Variants in DHX57 observed in about 807,000 individuals in gnomAD.
DHX57 encodes DExH-box helicase 57.
DHX57 carries 105 observed loss-of-function variants against 156.2 expected under a neutral mutation model. That is an observed-to-expected ratio of 0.67 (90% CI 0.57 to 0.79). DHX57 has a LOEUF of 0.79. Among genes scored for constraint, DHX57 ranks in the 30% least tolerant of loss-of-function variants. The pLI is 0.00. For missense variants in DHX57, 1,847 were observed against 1,661.9 expected, an observed-to-expected ratio of 1.11 and a Z score of -1.94; for synonymous variants, 704 against 595.6, an observed-to-expected ratio of 1.18 and a Z score of -2.65.
rs1004638132 is a variant in DHX57, at chr2:38,843,491, T to C, written c.2220-281A>G. Reference sequence around the variant, plus strand: ...AGAAAACACATTTGAGTTATAGCCTTAGTAACACCCCTCTTCATTTTTGAT... The same window carrying C: ...AGAAAACACATTTGAGTTATAGCCTCAGTAACACCCCTCTTCATTTTTGAT... On this transcript the variant is annotated intron_variant, in intron 11 of 23. Coordinates refer to ENST00000457308, the MANE Select transcript of DHX57 (RefSeq NM_198963.3). Among the ~76,000 whole-genome samples, 3 of 152,200 alleles carry C rather than the reference T, an allele frequency of 2.0e-5. No homozygotes were observed. In the East Asian group the frequency reaches 5.8e-4, roughly 29 times the overall value.
At chr2:38,869,242 G>A (rs908860519) in intron 1 of DHX57, among the ~76,000 whole-genome samples, 10 of 152,222 alleles carry the variant, frequency 6.6e-5, no homozygotes, top group African/African-American at 2.4e-4. Context: ...GAAGTAGGCC[G>A]TAAGACAGAT....
At position 38,838,110 on chromosome 2, in the gene DHX57, T is replaced by G. The variant is rs541116071; in HGVS notation, c.2426-163A>C. Among the ~76,000 whole-genome samples, 3 of 152,262 alleles carry G rather than the reference T, an allele frequency of 2.0e-5. No individual in the cohort carries two copies. The East Asian group carries it at 5.8e-4, about 29-fold the overall frequency. ...ACTGAAATGAACTTTTTTCTTTTCT[T>G]TATTTAGAGACAGGGTCTTGCTCTG... On this transcript the variant is annotated intron_variant, in intron 12 of 23. Transcript: ENST00000457308.
chr2:38,858,890 G>A (rs1292387197), intron 5 of DHX57, 54 bp from the exon 6 acceptor site: 1 of 1,543,354 alleles, frequency 6.5e-7, no homozygotes, highest in Non-Finnish European at 8.7e-7. Context: ...TTTAACAAAA[G>A]GGGAAAGTCG....
At chr2:38,809,359 A>G (rs1670118346) in intron 21 of DHX57, among the ~76,000 whole-genome samples, 1 of 151,756 alleles carries the variant, frequency 6.6e-6, no homozygotes, top group African/African-American at 2.4e-5. Context: ...TCCTGGCCCC[A>G]TGTGATCTTC....
intron 7 of DHX57, 64 bp downstream of exon 7, chr2:38,856,276 T>A: frequency 6.4e-7 from 1 of 1,554,890 alleles, no homozygotes; most frequent in Non-Finnish European, 8.6e-7. Context: ...CAACTGGTTA[T>A]GGTAACCAGG....
At chr2:38,843,468 A>T (rs1030056991) in intron 11 of DHX57, among the ~76,000 whole-genome samples, 13 of 152,216 alleles carry the variant, frequency 8.5e-5, no homozygotes, top group Non-Finnish European at 1.8e-4. Context: ...GGACATTCAG[A>T]AAACACATTT....
intron 17 of DHX57, among the ~76,000 whole-genome samples, chr2:38,819,870 G>A (rs1038644496): frequency 6.6e-6 from 1 of 152,172 alleles, no homozygotes; most frequent in Non-Finnish European, 1.5e-5. Flanking sequence ...ACACTGGGAA[G>A]AATCCTCTTA....
chr2:38,868,788 G>T (rs938887804), intron 1 of DHX57, among the ~76,000 whole-genome samples: 1 of 149,000 alleles, frequency 6.7e-6, no homozygotes, highest in Non-Finnish European at 1.5e-5. Flanking sequence ...CATTTGGTTA[G>T]GTCTAATTTA....
intron 6 of DHX57, chr2:38,856,832 G>T (rs1336194017): frequency 1.2e-5 from 2 of 160,634 alleles, no homozygotes; most frequent in Non-Finnish European, 2.7e-5. Context: ...GCCCTGGATG[G>T]TCTTGCACTC....
chr2:38,823,876 G>T (rs1558368873), intron 16 of DHX57, among the ~76,000 whole-genome samples: 1 of 152,120 alleles, frequency 6.6e-6, no homozygotes, highest in African/African-American at 2.4e-5. Context: ...GCCAGGCATG[G>T]TGATGTGCAC....
intron 1 of DHX57, among the ~76,000 whole-genome samples, chr2:38,870,525 G>A (rs1478678595): frequency 6.6e-6 from 1 of 152,186 alleles, no homozygotes; most frequent in Non-Finnish European, 1.5e-5. Flanking sequence ...ATTAATGACT[G>A]ATTTCTTCAC....
chr2:38,872,404 A>G (rs1263890227), intron 1 of DHX57, among the ~76,000 whole-genome samples: 1 of 152,238 alleles, frequency 6.6e-6, no homozygotes. Context: ...AATAAATGTG[A>G]GAGAATAAAG....
chr2:38,842,891 A>T, intron 12 of DHX57, 114 bp downstream of exon 12: 2 of 1,110,456 alleles, frequency 1.8e-6, no homozygotes, highest in Non-Finnish European at 2.6e-6. Flanking sequence ...CTGATGAATT[A>T]AAGGCAATGT....
At chr2:38,824,060 G>A (rs1670968950) in intron 16 of DHX57, among the ~76,000 whole-genome samples, 2 of 151,894 alleles carry the variant, frequency 1.3e-5, no homozygotes, top group Admixed American at 1.3e-4. Flanking sequence ...GCACTCCTGT[G>A]TTCACTGTAA....
At chr2:38,828,480 A>C in intron 13 of DHX57, 44 bp from the exon 14 acceptor site, 1 of 1,427,644 alleles carries the variant, frequency 7.0e-7, no homozygotes, top group Non-Finnish European at 9.5e-7. Flanking sequence ...GCATAGGCAC[A>C]GAAAAGAAAC....
At chr2:38,833,666 G>A (rs114823039) in intron 13 of DHX57, among the ~76,000 whole-genome samples, 31 of 152,282 alleles carry the variant, frequency 2.0e-4, no homozygotes, top group African/African-American at 7.0e-4. Context: ...TAGTACAGTA[G>A]TAGTAATAGT....
Position 38,861,736 on chromosome 2 carries a change from G to A in DHX57, c.674C>T (p.Thr225Ile). The stretch of plus-strand genomic sequence containing the variant: ...AGAGATCTTCATCCTCTCTCCAAAT[G>A]TCTCTGAAAAACACTGGGTAAGGAG... Reference protein sequence around the residue: ...EHLLTQCFSETFGERMKISEA... With the variant: ...EHLLTQCFSEIFGERMKISEA... Residue 225 changes from threonine to isoleucine, a missense_variant, in exon 5 of 24, where the codon ACA becomes ATA. Thr to Ile is a moderately conservative substitution (Grantham distance 89). Transcript: ENST00000457308. The A allele has an allele frequency of 6.2e-7, 1 of 1,614,134 alleles. No individual in the cohort carries two copies. The highest frequency in any genetic ancestry group is 8.5e-7 in the Non-Finnish European group (1 of 1,180,032).
intron 20 of DHX57, among the ~76,000 whole-genome samples, chr2:38,814,180 T>C (rs1670411358): frequency 6.6e-6 from 1 of 152,092 alleles, no homozygotes; most frequent in African/African-American, 2.4e-5. Flanking sequence ...TCAAGCAATC[T>C]GCCCACCTCA....
intron 9 of DHX57, among the ~76,000 whole-genome samples, chr2:38,852,635 G>A (rs973689251): frequency 2.1e-4 from 30 of 142,942 alleles, no homozygotes; most frequent in Admixed American, 2.0e-3. Flanking sequence ...TAGAGATGGA[G>A]TCTCATGATA....
Sources: allele counts gnomAD v4.1 joint callset (sites outside exome capture counted in the v4.1 genomes callset), GRCh38; gene constraint gnomAD v4.1.1; transcripts MANE v1.5; gene names NCBI Gene and HGNC (gene_info 2026-07-23, HGNC 2026-07-21).